PHC1: variants seen among roughly 807,000 people sequenced by gnomAD.
The protein encoded by PHC1 is polyhomeotic-like protein 1.
A neutral mutation model predicts 104.3 loss-of-function variants in PHC1; 12 were observed. The observed-to-expected ratio is 0.12, with a 90% CI of 0.07 to 0.19. The LOEUF is 0.19. Among genes scored for constraint, PHC1 ranks in the 10% least tolerant of loss-of-function variants. PHC1 has a pLI of 1.00. For missense variants in PHC1, 671 were observed against 1,200.0 expected (o/e 0.56, Z 6.51); for synonymous variants, 302 against 455.8 (o/e 0.66, Z 4.30).
intron 1 of PHC1, among the ~76,000 whole-genome samples, chr12:8,917,380 G>A (rs750173658): frequency 7.9e-5 from 12 of 152,304 alleles, no homozygotes; most frequent in Non-Finnish European, 1.8e-4. Flanking sequence ...TTTATTTAAT[G>A]ACAGCCATGA....
At chr12:8,917,147 A>G (rs115050643) in intron 1 of PHC1, among the ~76,000 whole-genome samples, 2,465 of 152,352 alleles carry the variant, frequency 0.016, 75 homozygotes, top group African/African-American at 0.056. Flanking sequence ...TTACAGCACT[A>G]CTATGAGAGA....
rs768871952 is a variant in PHC1 at position 8,922,816 on chromosome 12, T to TG, written c.612+31dup. The TG allele has an allele frequency of 1.6e-5, 25 of 1,604,732 alleles. No homozygotes were observed. The South Asian group carries it at 2.7e-4, about 17-fold the overall frequency. On this transcript the variant is annotated intron_variant, in intron 6 of 14. Transcript: ENST00000544916. ...TAGTGGCGATGACTTTACCTGTGGG[T>TG]GGGCACTGGGCAGGATGAAGGGAAT... is the stretch of plus-strand genomic sequence containing the variant.
intron 6 of PHC1, among the ~76,000 whole-genome samples, chr12:8,927,723 T>C (rs944889041): frequency 1.3e-5 from 2 of 152,192 alleles, no homozygotes; most frequent in African/African-American, 4.8e-5. Flanking sequence ...ATATTAATAA[T>C]TGCCAGATAA....
At chr12:8,928,749 AT>A (rs1945600462) in intron 6 of PHC1, among the ~76,000 whole-genome samples, 1 of 152,196 alleles carries the variant, frequency 6.6e-6, no homozygotes, top group Non-Finnish European at 1.5e-5. Context: ...CCCAGACACC[AT>A]GTATATATTT....
chr12:8,918,769 T>A (rs1409940238), intron 2 of PHC1, among the ~76,000 whole-genome samples: 1 of 152,232 alleles, frequency 6.6e-6, no homozygotes, highest in Admixed American at 6.5e-5. Context: ...TTTCTTAACA[T>A]CCTATGGAGA....
intron 11 of PHC1, among the ~76,000 whole-genome samples, 180 bp from the exon 12 acceptor site, chr12:8,936,676 A>T (rs1805733): frequency 1.3e-5 from 2 of 151,918 alleles, no homozygotes; most frequent in Non-Finnish European, 2.9e-5. Flanking sequence ...AAAGTTCTCA[A>T]GGGACAAGTC....
At chr12:8,936,991 C>T in intron 12 of PHC1, 27 bp downstream of exon 12, 16 of 1,506,028 alleles carry the variant, frequency 1.1e-5, no homozygotes, top group Non-Finnish European at 1.5e-5. Flanking sequence ...CCTCCTTGCC[C>T]TCAGCACTGG....
chr12:8,915,776 G>T lies in PHC1; in HGVS notation c.-49+949G>T, dbSNP rs769296936. ...CCCGGGATCCAGGAATCCTGGTTTT[G>T]GTGGCAGTTTCCCTTGATTTTATTG... On this transcript the variant is annotated intron_variant, in intron 1 of 14. Coordinates refer to ENST00000544916, the MANE Select transcript of PHC1 (RefSeq NM_004426.3). The T allele has an allele frequency of 2.0e-5, 3 of 152,432 alleles. No individual in the cohort carries two copies. The East Asian group carries it at 5.8e-4, about 29-fold the overall frequency. The allele number at this position is 152,432 out of a possible 1,614,324, so 9.4% of individuals were successfully genotyped here.
chr12:8,927,853 T>TTTTCTTTCTTTCTTTC (rs71045227), intron 6 of PHC1, among the ~76,000 whole-genome samples: 34 of 110,880 alleles, frequency 3.1e-4, no homozygotes, highest in East Asian at 2.5e-3. Context: ...ACTGTACTAG[T>TTTTCTTTCTTTCTTTC]TTTCTTTCTT....
At position 8,921,581 on chromosome 12, in the gene PHC1, T is replaced by G; in HGVS notation, c.307-20T>G. 1.2e-6 allele frequency: 2 copies of G among 1,612,998 alleles called. No homozygotes were observed. Among genetic ancestry groups the G allele is most frequent in the African/African-American group, 2.7e-5 (2 of 74,988 alleles). ...ACTTCTCCCAAATCCTTAGTCCTGG[T>G]TCCTTTCTGTACCACACAGATCAAT... On this transcript the variant is annotated intron_variant, in intron 4 of 14. Coordinates refer to ENST00000544916, the MANE Select transcript of PHC1 (RefSeq NM_004426.3).
At position 8,936,649 on chromosome 12, in the gene PHC1, G is replaced by C. The variant is rs144813914; in HGVS notation, c.2369-207G>C. Among the ~76,000 whole-genome samples the C allele has an allele frequency of 2.9e-3, 435 of 152,278 alleles. 4 individuals carry two copies. The highest frequency in any genetic ancestry group is 0.017 in the Middle Eastern group (5 of 294). ...CTAAAATGGAGAGAGTTCGGCTTAA[G>C]GTTAGGAAGACGTCATAAAGTTCTC... On this transcript the variant is annotated intron_variant, in intron 11 of 14. Coordinates refer to ENST00000544916, the MANE Select transcript of PHC1 (RefSeq NM_004426.3).
At chr12:8,922,888 A>G in intron 6 of PHC1, 100 bp downstream of exon 6, 1 of 1,050,804 alleles carries the variant, frequency 9.5e-7, no homozygotes, top group Non-Finnish European at 1.4e-6. Flanking sequence ...ACTTTTCAGA[A>G]TTCTTACTTT....
At chr12:8,921,522 ACT>A in intron 4 of PHC1, 77 bp from the exon 5 acceptor site, 1 of 1,266,404 alleles carries the variant, frequency 7.9e-7, no homozygotes, top group South Asian at 1.2e-5. Flanking sequence ...TGACTGTGTG[ACT>A]CTGAATTTGT....
chr12:8,934,323 G>A lies in PHC1; in HGVS notation c.2098G>A (p.Ala700Thr). The A allele has an allele frequency of 5.0e-6, 8 of 1,614,142 alleles. No individual in the cohort carries two copies. Among genetic ancestry groups the A allele is most frequent in the Non-Finnish European group, 6.8e-6 (8 of 1,179,998 alleles). ...TAATACTCCAAGCAGTGAACTAGTA[G>A]CCTTGACCCCCGCCCCTTCAGTACC... is the stretch of plus-strand genomic sequence containing the variant. The part of the protein sequence containing the change: ...NANTPSSELV[A>T]LTPAPSVPPP... Residue 700 changes from alanine to threonine, a missense_variant, in exon 10 of 15, where the codon GCC becomes ACC. Around this residue, in one of 9 missense-constraint regions of PHC1, gnomAD observed 29 missense variants for 78.0 expected, o/e 0.37. Coordinates refer to ENST00000544916, the MANE Select transcript of PHC1 (RefSeq NM_004426.3).
chr12:8,927,249 A>G (rs1488536816), intron 6 of PHC1, among the ~76,000 whole-genome samples: 1 of 152,168 alleles, frequency 6.6e-6, no homozygotes, highest in Non-Finnish European at 1.5e-5. Flanking sequence ...GGTGAATCCA[A>G]AGTAGTATGA....
chr12:8,933,445 A>C, intron 8 of PHC1, 95 bp downstream of exon 8: 1 of 1,365,922 alleles, frequency 7.3e-7, no homozygotes, highest in Non-Finnish European at 9.8e-7. Flanking sequence ...GGGAATAAAG[A>C]GTTAAGAGGG....
intron 7 of PHC1, 106 bp from the exon 8 acceptor site, chr12:8,932,457 C>T: frequency 1.6e-6 from 2 of 1,245,006 alleles, no homozygotes; most frequent in Non-Finnish European, 2.2e-6. Flanking sequence ...CCGCATAATT[C>T]CAAAACTAGG....
chr12:8,926,339 G>C (rs759996505), intron 6 of PHC1, among the ~76,000 whole-genome samples: 1 of 152,288 alleles, frequency 6.6e-6, no homozygotes, highest in East Asian at 1.9e-4. Context: ...TGGAGAGGCC[G>C]GGCACAGTGG....
Position 8,933,232 on chromosome 12 carries a change from G to A in PHC1, c.1775G>A (p.Gly592Glu). The A allele has an allele frequency of 6.7e-7, 1 of 1,496,122 alleles. No homozygotes were observed. Among genetic ancestry groups the A allele is most frequent in the South Asian group, 1.3e-5 (1 of 78,034 alleles). 92.7% of individuals were successfully genotyped at this position (1,496,122 alleles called of 1,614,324 possible). The part of the protein sequence containing the change: ...LQECPPTLAP[G>E]MTLAPVQGTA... Reference sequence around the variant, plus strand: ...GAGTGCCCTCCCACATTGGCCCCTGGGATGACCCTTGCTCCTGTGCAGGGG... The same window carrying A: ...GAGTGCCCTCCCACATTGGCCCCTGAGATGACCCTTGCTCCTGTGCAGGGG... Residue 592 changes from glycine to glutamate, a missense_variant, in exon 8 of 15, where the codon GGG becomes GAG. By Grantham distance (98) the Gly-to-Glu change is moderately conservative. Transcript: ENST00000544916.
Sources: allele counts gnomAD v4.1 joint callset (sites outside exome capture counted in the v4.1 genomes callset), GRCh38; gene constraint gnomAD v4.1.1; regional missense constraint gnomAD v4.1.1; transcripts MANE v1.5; gene names NCBI Gene and HGNC (gene_info 2026-07-23, HGNC 2026-07-21).